The following ANKRD44 variants were observed in gnomAD, a reference collection of about 807,000 sequenced individuals.
ANKRD44 encodes serine/threonine-protein phosphatase 6 regulatory ankyrin repeat subunit B.
Under a neutral mutation model 116.0 loss-of-function variants are expected in ANKRD44, and 35 were observed. That is an observed-to-expected ratio of 0.30 (90% confidence interval 0.23 to 0.40). The LOEUF is 0.40. Ranked by LOEUF, ANKRD44 falls within the 10% of genes least tolerant of loss-of-function variation. The pLI is 1.00. For synonymous variants in ANKRD44, 435 were observed against 461.8 expected, an observed-to-expected ratio of 0.94 and a Z score of 0.74; for missense variants, 1,014 against 1,242.6, an observed-to-expected ratio of 0.82 and a Z score of 2.77.
At position 197,083,489 on chromosome 2, in the gene ANKRD44, G is replaced by C. The variant is rs1339397888; in HGVS notation, c.1337C>G (p.Ala446Gly). 1 of 1,613,334 alleles carries C rather than the reference G, an allele frequency of 6.2e-7. No individual in the cohort carries two copies. The highest frequency in any genetic ancestry group is 2.2e-5 in the East Asian group (1 of 44,862). The stretch of plus-strand genomic sequence containing the variant: ...AATACAGTGGAAATGACAATTCGCA[G>C]CTGCATAGTGCAAAGGGGTCCTGAA... ...KCGRTPLHYA[A>G]ANCHFHCIET... The change falls in exon 14 of 28, where the codon GCT becomes GGT. Residue 446 changes from alanine to glycine, a missense_variant. By Grantham distance (60) the Ala-to-Gly change is moderately conservative (BLOSUM62 0). Transcript: ENST00000282272.
Position 196,987,031 on chromosome 2 carries a change from G to A in ANKRD44, c.*2560C>T. On this transcript the variant is annotated 3_prime_UTR_variant, in exon 28 of 28. Coordinates refer to ENST00000282272, the MANE Select transcript of ANKRD44 (RefSeq NM_001195144.2). ...TTACAAAGATATATTGCACATGCTA[G>A]AGCATAAAATATGTAGACAAAACTA... The A allele has an allele frequency of 8.1e-6, 8 of 985,180 alleles. No homozygotes were observed. Among genetic ancestry groups the A allele is most frequent in the Non-Finnish European group, 9.6e-6 (8 of 829,720 alleles). The allele number at this position is 985,180 out of a possible 1,614,324, so 61.0% of individuals were successfully genotyped here. A position where few individuals can be genotyped will look rare whatever the true frequency, so the allele number is the denominator to read the frequency against.
At chr2:197,264,646 A>G (rs7580108) in intron 1 of ANKRD44, among the ~76,000 whole-genome samples, 15,534 of 152,202 alleles carry the variant, frequency 0.1, 855 homozygotes, top group Middle Eastern at 0.13. Flanking sequence ...TCTAGCACCC[A>G]TCCAGTAAAG....
intron 16 of ANKRD44, among the ~76,000 whole-genome samples, chr2:197,074,784 G>A (rs2077631075): frequency 1.3e-5 from 2 of 152,150 alleles, no homozygotes; most frequent in African/African-American, 4.8e-5. Flanking sequence ...CTGGCCATAA[G>A]TCTGTCTTAT....
intron 9 of ANKRD44, among the ~76,000 whole-genome samples, chr2:197,102,050 CA>C (rs145787766): frequency 0.043 from 6,130 of 144,198 alleles, 159 homozygotes; most frequent in Middle Eastern, 0.085. Context: ...TTTCGCTTTG[CA>C]AAAAAAAACA....
intron 1 of ANKRD44, among the ~76,000 whole-genome samples, chr2:197,255,699 C>A (rs918083181): frequency 6.6e-6 from 1 of 152,232 alleles, no homozygotes; most frequent in Admixed American, 6.5e-5. Context: ...TAAGAGGCGG[C>A]CCCCTGGGTT....
intron 1 of ANKRD44, among the ~76,000 whole-genome samples, chr2:197,215,585 G>A (rs1349476384): frequency 1.3e-5 from 2 of 152,078 alleles, no homozygotes; most frequent in Admixed American, 1.3e-4. Flanking sequence ...TCAATTAAAT[G>A]AAATCAAATC....
chr2:197,224,824 T>C (rs2081665225), intron 1 of ANKRD44, among the ~76,000 whole-genome samples: 1 of 152,216 alleles, frequency 6.6e-6, no homozygotes, highest in Non-Finnish European at 1.5e-5. Context: ...TAATTATATC[T>C]GTGTATACCT....
chr2:197,207,703 C>T (rs1056398499), intron 1 of ANKRD44, among the ~76,000 whole-genome samples: 2 of 152,106 alleles, frequency 1.3e-5, no homozygotes, highest in African/African-American at 4.8e-5. Flanking sequence ...GAAAAGGGAG[C>T]ACACACCCCA....
intron 1 of ANKRD44, among the ~76,000 whole-genome samples, chr2:197,246,369 T>TTTTTTTTTTTTTTTG (rs1559181788): frequency 7.6e-6 from 1 of 130,940 alleles, no homozygotes. Flanking sequence ...TTTTTTTTTT[T>TTTTTTTTTTTTTTTG]TTTTTTAGAG....
intron 16 of ANKRD44, among the ~76,000 whole-genome samples, chr2:197,063,328 G>A (rs1289967366): frequency 6.6e-6 from 1 of 152,124 alleles, no homozygotes; most frequent in African/African-American, 2.4e-5. Context: ...AAGACTAAAG[G>A]TAGATAAAAC....
chr2:197,115,240 T>G (rs2078680364), intron 8 of ANKRD44, among the ~76,000 whole-genome samples: 1 of 152,242 alleles, frequency 6.6e-6, no homozygotes, highest in Admixed American at 6.5e-5. Flanking sequence ...CTAAGTTGTA[T>G]CCAGCACAGC....
intron 1 of ANKRD44, among the ~76,000 whole-genome samples, chr2:197,286,474 A>G (rs1448699471): frequency 1.3e-5 from 2 of 151,338 alleles, no homozygotes; most frequent in Admixed American, 6.6e-5. Flanking sequence ...TCCTGGGCCC[A>G]ATTGATCCTC....
chr2:197,276,192 T>G (rs2083076757), intron 1 of ANKRD44, among the ~76,000 whole-genome samples: 1 of 150,644 alleles, frequency 6.6e-6, no homozygotes, highest in Admixed American at 6.7e-5. Context: ...GGAGAATCAC[T>G]TGAACCTGGG....
chr2:197,117,089 G>C (rs1235851333), intron 8 of ANKRD44, among the ~76,000 whole-genome samples: 1 of 152,110 alleles, frequency 6.6e-6, no homozygotes, highest in Non-Finnish European at 1.5e-5. Context: ...CACACAAAGA[G>C]CTTGTTTATG....
chr2:197,110,987 G>A (rs1370246688), intron 8 of ANKRD44, 143 bp from the exon 9 acceptor site: 4 of 622,944 alleles, frequency 6.4e-6, no homozygotes, highest in African/African-American at 5.4e-5. Flanking sequence ...TCAACATGAG[G>A]CTGCAGTGAG....
chr2:197,043,392 A>T (rs918071409), intron 16 of ANKRD44, among the ~76,000 whole-genome samples: 39 of 152,204 alleles, frequency 2.6e-4, no homozygotes, highest in African/African-American at 9.4e-4. Context: ...TTTTTTGTAG[A>T]GATGGGGGTC....
chr2:197,183,323 A>G (rs1304185075), intron 2 of ANKRD44, among the ~76,000 whole-genome samples: 1 of 152,146 alleles, frequency 6.6e-6, no homozygotes, highest in Non-Finnish European at 1.5e-5. Context: ...GGGGAAAGAA[A>G]GAAAAGCAAG....
chr2:197,219,355 A>C (rs1339937225), intron 1 of ANKRD44, among the ~76,000 whole-genome samples: 1 of 152,182 alleles, frequency 6.6e-6, no homozygotes, highest in Admixed American at 6.5e-5. Flanking sequence ...GACATGAGCC[A>C]CTGCGCCTGG....
intron 16 of ANKRD44, among the ~76,000 whole-genome samples, chr2:197,077,323 A>G (rs2077691411): frequency 6.6e-6 from 1 of 152,004 alleles, no homozygotes; most frequent in Non-Finnish European, 1.5e-5. Context: ...TTCACTTAAC[A>G]CTTGTATCAA....
Sources: gnomAD v4.1 joint callset for allele counts (sites outside exome capture counted in the v4.1 genomes callset) on GRCh38, gnomAD v4.1.1 for gene constraint, MANE v1.5 for transcripts, NCBI Gene and HGNC (gene_info 2026-07-23, HGNC 2026-07-21) for gene names.